RFT1: variants seen among roughly 807,000 people sequenced by gnomAD.
The protein encoded by RFT1 is RFT1 glycolipid translocator homolog.
A neutral mutation model predicts 62.2 loss-of-function variants in RFT1; 43 were observed. That is an observed-to-expected ratio of 0.69 (90% CI 0.54 to 0.89). The LOEUF is 0.89. Ranked by LOEUF, RFT1 falls within the 40% of genes least tolerant of loss-of-function variation. RFT1 has a pLI of 0.00. For missense variants in RFT1, 605 were observed against 649.9 expected (o/e 0.93, Z 0.75); for synonymous variants, 262 against 264.6 (o/e 0.99, Z 0.10).
chr3:53,076,797 T>G, the RFT1 span, among the ~76,000 whole-genome samples: 1 of 151,904 alleles, frequency 6.6e-6, no homozygotes, highest in Admixed American at 6.6e-5. Context: ...CAAATCATTT[T>G]AAAATTAGGC....
At chr3:53,129,169 C>T (rs952618666) in intron 1 of RFT1, among the ~76,000 whole-genome samples, 3 of 152,192 alleles carry the variant, frequency 2.0e-5, no homozygotes, top group African/African-American at 4.8e-5. Context: ...AAGCACATAT[C>T]ACGTGCAAGG....
At chr3:53,101,290 C>T (rs1056436461) in intron 10 of RFT1, among the ~76,000 whole-genome samples, 3 of 152,182 alleles carry the variant, frequency 2.0e-5, no homozygotes, top group Admixed American at 6.5e-5. Context: ...GGAAGGGAGG[C>T]GGGGACCAGG....
intron 7 of RFT1, 66 bp downstream of exon 7, chr3:53,111,764 T>C (rs569425262): frequency 1.5e-5 from 20 of 1,329,406 alleles, no homozygotes; most frequent in Non-Finnish European, 2.2e-5. Flanking sequence ...ACCCAGGTAA[T>C]TGGCAGTCCT....
Position 53,125,438 on chromosome 3 carries a change from C to A in RFT1, c.149+471G>T, listed in dbSNP as rs186841470. On this transcript the variant is annotated intron_variant, in intron 2 of 12. Coordinates refer to ENST00000296292, the MANE Select transcript of RFT1 (RefSeq NM_052859.4). The stretch of plus-strand genomic sequence containing the variant: ...CTCCAAGAAACTGATGACAAAGACT[C>A]AAGCTCGAATCCCAGTTGCCATATC... Among the ~76,000 whole-genome samples the A allele has an allele frequency of 6.6e-5, 10 of 152,346 alleles. No homozygotes were observed. In the East Asian group the frequency reaches 1.9e-3, roughly 29 times the overall value.
rs555030898 is a variant in RFT1, at chr3:53,095,038, C to T, written c.1209-2420G>A. Among the ~76,000 whole-genome samples the T allele has an allele frequency of 6.7e-5, 10 of 150,280 alleles. No homozygotes were observed. The South Asian group carries it at 1.7e-3, about 25-fold the overall frequency. ...ATCCCAGCACTTTGGGAGGCCGAGG[C>T]GGGTAGATCGCGAGGTCAAGAGATC... On this transcript the variant is annotated intron_variant, in intron 11 of 12. Transcript: ENST00000296292.
chr3:53,110,031 C>T (rs999234717), intron 7 of RFT1, among the ~76,000 whole-genome samples: 3 of 152,160 alleles, frequency 2.0e-5, no homozygotes, highest in Admixed American at 1.3e-4. Flanking sequence ...CCTGGCACCA[C>T]ATTCAGGTCG....
downstream of RFT1, among the ~76,000 whole-genome samples, chr3:53,086,512 C>A (rs1425587189): frequency 1.3e-5 from 2 of 152,036 alleles, no homozygotes; most frequent in Non-Finnish European, 2.9e-5. Flanking sequence ...GACGGGGTTT[C>A]ACCATGTTGG....
At chr3:53,098,140 G>A (rs936354162) in intron 11 of RFT1, among the ~76,000 whole-genome samples, 1 of 152,304 alleles carries the variant, frequency 6.6e-6, no homozygotes, top group Admixed American at 6.5e-5. Context: ...GCTCCGTGTC[G>A]TTTTTACTGT....
the RFT1 span, among the ~76,000 whole-genome samples, chr3:53,070,393 G>GGTTTTTTTTTTTTTTTTTTTTTTTTTT: frequency 2.3e-5 from 2 of 85,448 alleles, 1 homozygote. Flanking sequence ...CTGTATTATG[G>GGTTTTTTTTTTTTTTTTTTTTTTTTTT]TTTTTTTTTT....
intron 4 of RFT1, 109 bp downstream of exon 4, chr3:53,122,265 A>G: frequency 9.6e-7 from 1 of 1,036,636 alleles, no homozygotes; most frequent in South Asian, 1.3e-5. Context: ...ATACATTTTT[A>G]GGTGCAAGTC....
In RFT1 at chr3:53,121,628, G is replaced by A. The variant is rs957515079; in HGVS notation, c.558+71C>T. ...GTACTGTGAATGCAGACCACACGGCGGTGGGAACAAGAAGAAAAACCAGTT... is the reference window on the plus strand; with the variant it reads ...GTACTGTGAATGCAGACCACACGGCAGTGGGAACAAGAAGAAAAACCAGTT... On this transcript the variant is annotated intron_variant, in intron 5 of 12. Coordinates refer to ENST00000296292, the MANE Select transcript of RFT1 (RefSeq NM_052859.4). 27 of 1,210,310 alleles carry A rather than the reference G, an allele frequency of 2.2e-5. No individual in the cohort carries two copies. The East Asian group carries it at 3.0e-4, about 14-fold the overall frequency. 75.0% of individuals were successfully genotyped at this position (1,210,310 alleles called of 1,614,324 possible). A position where few individuals can be genotyped will look rare whatever the true frequency, so the allele number is the denominator to read the frequency against.
the RFT1 span, among the ~76,000 whole-genome samples, chr3:53,074,212 C>T: frequency 6.6e-6 from 1 of 152,188 alleles, no homozygotes; most frequent in East Asian, 1.9e-4. Flanking sequence ...AACACCCCCT[C>T]TCAGCCTGGC....
intron 9 of RFT1, 91 bp from the exon 10 acceptor site, chr3:53,104,188 T>C: frequency 7.4e-7 from 1 of 1,359,956 alleles, no homozygotes; most frequent in South Asian, 1.2e-5. Context: ...CTTCACTGTT[T>C]TACAGTTCAC....
Position 53,096,831 on chromosome 3 carries a change from G to A in RFT1, c.1208+2550C>T, listed in dbSNP as rs536431544. Among the ~76,000 whole-genome samples the A allele has an allele frequency of 1.3e-4, 20 of 152,174 alleles. No individual in the cohort carries two copies. In the South Asian group the frequency reaches 2.9e-3, roughly 22 times the overall value. The stretch of plus-strand genomic sequence containing the variant: ...ATGATCTCCGCTCACTGCAACCTCC[G>A]CTTCCCAGGTTCAAGTGATTCTTGT... On this transcript the variant is annotated intron_variant, in intron 11 of 12. Coordinates refer to ENST00000296292, the MANE Select transcript of RFT1 (RefSeq NM_052859.4).
At position 53,119,838 on chromosome 3, in the gene RFT1, C is replaced by T. The variant is rs376101569; in HGVS notation, c.696+46G>A. ...GCAGTTTCTTTCTCTCAAGGATAAG[C>T]AGCACCTATGATTAAAATGATAAGA... is the stretch of plus-strand genomic sequence containing the variant. On this transcript the variant is annotated intron_variant, in intron 6 of 12. Coordinates refer to ENST00000296292, the MANE Select transcript of RFT1 (RefSeq NM_052859.4). 1.7e-5 allele frequency: 26 copies of T among 1,517,826 alleles called. No homozygotes were observed. The African/African-American group carries it at 3.3e-4, about 19-fold the overall frequency. The allele number at this position is 1,517,826 out of a possible 1,614,324, so 94.0% of individuals were successfully genotyped here.
Position 53,120,022 on chromosome 3 carries a change from C to T in RFT1, c.559-1G>A. On this transcript the variant is annotated splice_acceptor_variant, in intron 5 of 12. Coordinates refer to ENST00000296292, the MANE Select transcript of RFT1 (RefSeq NM_052859.4). LOFTEE classifies it high-confidence loss of function. ...GCACCAGAACTGTGGTATAGAAAAG[C>T]TGAGAAAAAAAATAAACTGTTTTAA... is the stretch of plus-strand genomic sequence containing the variant. 6 of 1,584,974 alleles carry T rather than the reference C, an allele frequency of 3.8e-6. No individual in the cohort carries two copies. Among genetic ancestry groups the T allele is most frequent in the Non-Finnish European group, 5.1e-6 (6 of 1,170,090 alleles).
chr3:53,113,730 A>G (rs1281741888), intron 6 of RFT1, among the ~76,000 whole-genome samples: 1 of 152,316 alleles, frequency 6.6e-6, no homozygotes, highest in Non-Finnish European at 1.5e-5. Flanking sequence ...TTGAAATCCA[A>G]TATGTATTTT....
At chr3:53,100,345 T>C (rs1200983669) in intron 10 of RFT1, among the ~76,000 whole-genome samples, 1 of 152,216 alleles carries the variant, frequency 6.6e-6, no homozygotes, top group Admixed American at 6.5e-5. Flanking sequence ...CAAATGGGAT[T>C]GATTCCCCCC....
At chr3:53,106,960 G>A (rs1701495374) in intron 7 of RFT1, 91 bp from the exon 8 acceptor site, 1 of 928,680 alleles carries the variant, frequency 1.1e-6, no homozygotes. Context: ...TTTTCCAGCT[G>A]ACAAATAAAG....
Sources: gnomAD v4.1 joint callset for allele counts (sites outside exome capture counted in the v4.1 genomes callset) on GRCh38, gnomAD v4.1.1 for gene constraint, MANE v1.5 for transcripts, NCBI Gene and HGNC (gene_info 2026-07-23, HGNC 2026-07-21) for gene names.